IQUB: variants seen among roughly 807,000 people sequenced by gnomAD.
The protein encoded by IQUB is IQ motif and ubiquitin domain containing.
In IQUB, 86 loss-of-function variants were observed where a neutral mutation model predicts 86.4. The observed-to-expected ratio is 1.00, with a 90% CI of 0.84 to 1.19. The LOEUF is 1.19. IQUB is among the 50% of genes most tolerant of loss of function. The probability of loss-of-function intolerance (pLI) is 0.00; values close to 1 mark genes in which losing one functional copy is unlikely to be tolerated. For missense variants in IQUB, 946 were observed against 916.9 expected (o/e 1.03, Z -0.41); for synonymous variants, 289 against 304.5 (o/e 0.95, Z 0.53).
rs758630152 is a variant in IQUB, at chr7:123,452,888, T to C, written c.2231A>G (p.Lys744Arg). Reference protein sequence around the residue: ...ERSFIHKIKHKHILAKNYFSQ... With the variant: ...ERSFIHKIKHRHILAKNYFSQ... Reference sequence around the variant, plus strand: ...AAAATAGTTCTTAGCCAGGATATGTTTGTGTTTGATCTTGTGAATAAATGA... The same window carrying C: ...AAAATAGTTCTTAGCCAGGATATGTCTGTGTTTGATCTTGTGAATAAATGA... Residue 744 changes from lysine to arginine, a missense_variant, in exon 13 of 13, where the codon AAA (lysine) becomes AGA (arginine). Lys to Arg is a conservative substitution (Grantham distance 26). Coordinates refer to ENST00000324698, the MANE Select transcript of IQUB (RefSeq NM_178827.5). 3 of 1,612,968 alleles carry C rather than the reference T, an allele frequency of 1.9e-6. No individual in the cohort carries two copies. Among genetic ancestry groups the C allele is most frequent in the Non-Finnish European group, 2.5e-6 (3 of 1,179,376 alleles).
intron 1 of IQUB, among the ~76,000 whole-genome samples, chr7:123,526,278 A>G (rs1797203827): frequency 1.3e-5 from 2 of 152,046 alleles, no homozygotes; most frequent in South Asian, 4.1e-4. Flanking sequence ...TGTCTCGTTG[A>G]TCTGTCTAAT....
chr7:123,489,249 A>T (rs1795352793), intron 7 of IQUB, among the ~76,000 whole-genome samples: 1 of 152,184 alleles, frequency 6.6e-6, no homozygotes, highest in South Asian at 2.1e-4. Context: ...CTGTACACTT[A>T]AGCCTTGGCA....
chr7:123,526,700 T>G (rs970126030), intron 1 of IQUB, among the ~76,000 whole-genome samples: 1 of 151,494 alleles, frequency 6.6e-6, no homozygotes, highest in Non-Finnish European at 1.5e-5. Flanking sequence ...CCATTTACAT[T>G]TAAAGTTAAT....
chr7:123,453,545 C>T (rs1442858166), intron 12 of IQUB, among the ~76,000 whole-genome samples: 2 of 151,544 alleles, frequency 1.3e-5, no homozygotes, highest in Admixed American at 6.6e-5. Context: ...CTGAGAGGTA[C>T]ATGTAATGAA....
chr7:123,480,046 T>C, intron 7 of IQUB, 76 bp from the exon 8 acceptor site: 1 of 1,116,286 alleles, frequency 9.0e-7, no homozygotes, highest in Non-Finnish European at 1.3e-6. Flanking sequence ...TGAGGAGTAT[T>C]TTATTTTTAC....
At chr7:123,491,197 T>C (rs1413941731) in intron 7 of IQUB, among the ~76,000 whole-genome samples, 1 of 152,100 alleles carries the variant, frequency 6.6e-6, no homozygotes, top group Admixed American at 6.6e-5. Flanking sequence ...CATATCAAAA[T>C]GTGAGGATGC....
At chr7:123,508,240 AATCAGAT>A (rs957956314) in intron 3 of IQUB, among the ~76,000 whole-genome samples, 5 of 152,200 alleles carry the variant, frequency 3.3e-5, no homozygotes, top group Non-Finnish European at 7.3e-5. Flanking sequence ...AAGGGCAAGG[AATCAGAT>A]TCTCTTCTGG....
chr7:123,461,639 T>A (rs749557881), intron 10 of IQUB, 34 bp from the exon 11 acceptor site: 2 of 1,505,444 alleles, frequency 1.3e-6, no homozygotes, highest in Non-Finnish European at 8.9e-7. Flanking sequence ...AAAAAAGGTC[T>A]AAAAAGCCAG....
chr7:123,463,420 T>C (rs1794094813), intron 10 of IQUB, among the ~76,000 whole-genome samples: 1 of 151,804 alleles, frequency 6.6e-6, no homozygotes, highest in African/African-American at 2.4e-5. Context: ...TTTAAAGAAC[T>C]CTTGTATATC....
chr7:123,521,681 C>CACACACAGAGAG (rs533866528), intron 1 of IQUB, among the ~76,000 whole-genome samples: 1 of 151,018 alleles, frequency 6.6e-6, no homozygotes, highest in African/African-American at 2.4e-5. Context: ...CACACACACA[C>CACACACAGAGAG]AGAGATCACA....
chr7:123,511,993 CT>C lies in IQUB; in HGVS notation c.347del (p.Lys116SerfsTer3). The C allele has an allele frequency of 6.2e-7, 1 of 1,612,162 alleles. No homozygotes were observed. Among genetic ancestry groups the C allele is most frequent in the Non-Finnish European group, 8.5e-7 (1 of 1,178,486 alleles). On this transcript the variant is annotated frameshift_variant, in exon 2 of 13. Coordinates refer to ENST00000324698, the MANE Select transcript of IQUB (RefSeq NM_178827.5). LOFTEE classifies it high-confidence loss of function. Reference sequence around the variant, plus strand: ...ATTCTTGCAAAGATTCCTTTACAGACTTTATTTTATCCAGAAATGCCAAACT... The same window carrying C: ...ATTCTTGCAAAGATTCCTTTACAGACTTATTTTATCCAGAAATGCCAAACT... Reference protein sequence around the residue: ...DDSLAFLDKIKSVKESLQESV... With the variant: ...DDSLAFLDKIXSVKESLQESV...
chr7:123,479,905 G>T lies in IQUB; in HGVS notation c.1300C>A (p.Leu434Met). ...SFTGAERKAA[L>M]CELLEKETQI... ...GTCTCTTTTTCCAGAAGTTCACACA[G>T]AGCAGCTTTCCTTTCAGCTCCAGTA... The change falls in exon 8 of 13, where the codon CTG becomes ATG. Residue 434 changes from leucine (L) to methionine (M), a missense_variant. Coordinates refer to ENST00000324698, the MANE Select transcript of IQUB (RefSeq NM_178827.5). 1.2e-6 allele frequency: 2 copies of T among 1,613,046 alleles called. No individual in the cohort carries two copies. Among genetic ancestry groups the T allele is most frequent in the Non-Finnish European group, 8.5e-7 (1 of 1,179,388 alleles).
chr7:123,502,830 C>A (rs2117205315), intron 5 of IQUB, 78 bp from the exon 6 acceptor site: 1 of 1,371,368 alleles, frequency 7.3e-7, no homozygotes. Flanking sequence ...TATGTGAGTT[C>A]ATTTTCTTTT....
intron 7 of IQUB, among the ~76,000 whole-genome samples, chr7:123,481,595 G>A (rs1795004890): frequency 6.6e-6 from 1 of 151,990 alleles, no homozygotes; most frequent in Non-Finnish European, 1.5e-5. Flanking sequence ...TGTCAAAAAG[G>A]CACACAAATG....
intron 9 of IQUB, among the ~76,000 whole-genome samples, chr7:123,465,602 G>A (rs1794215750): frequency 6.6e-6 from 1 of 151,984 alleles, no homozygotes; most frequent in African/African-American, 2.4e-5. Context: ...CAAGTAACAA[G>A]CGATTAATGT....
intron 7 of IQUB, among the ~76,000 whole-genome samples, chr7:123,488,736 A>G (rs1795330291): frequency 6.6e-6 from 1 of 152,224 alleles, no homozygotes; most frequent in African/African-American, 2.4e-5. Context: ...GCCTTGCAAG[A>G]ATTCCAAACA....
At chr7:123,515,791 A>C (rs1177919622) in intron 1 of IQUB, among the ~76,000 whole-genome samples, 1 of 152,262 alleles carries the variant, frequency 6.6e-6, no homozygotes, top group African/African-American at 2.4e-5. Context: ...CAAGTGGTAC[A>C]CACAACAACA....
rs927265056 is a variant in IQUB at position 123,533,067 on chromosome 7, C to G, written c.-5+1425G>C. ...AGCGCTGCCAGACCTCTGACTCCCC[C>G]AGTCCTGCCGCCGCCGATAGCCCCA... On this transcript the variant is annotated intron_variant, in intron 1 of 12. Coordinates refer to ENST00000324698, the MANE Select transcript of IQUB (RefSeq NM_178827.5). 3.9e-5 allele frequency: 6 copies of G among 152,310 alleles called. 1 individual carries two copies. The highest frequency in any genetic ancestry group is 1.9e-4 in the East Asian group (1 of 5,162). 9.4% of individuals were successfully genotyped at this position (152,310 alleles called of 1,614,324 possible). A position where few individuals can be genotyped will look rare whatever the true frequency, so the allele number is the denominator to read the frequency against.
intron 7 of IQUB, among the ~76,000 whole-genome samples, chr7:123,495,638 T>C (rs1188672330): frequency 6.6e-6 from 1 of 152,160 alleles, no homozygotes; most frequent in African/African-American, 2.4e-5. Flanking sequence ...TGTGTCTTCA[T>C]AAGGGTCTAA....
Sources: allele counts gnomAD v4.1 joint callset (sites outside exome capture counted in the v4.1 genomes callset), GRCh38; gene constraint gnomAD v4.1.1; transcripts MANE v1.5; gene names NCBI Gene and HGNC (gene_info 2026-07-23, HGNC 2026-07-21).